The following COL4A1 variants were observed in gnomAD, a reference collection of about 807,000 sequenced individuals.
The protein encoded by COL4A1 is collagen alpha-1(IV) chain.
COL4A1 carries 40 observed loss-of-function variants against 216.6 expected under a neutral mutation model. That is an observed-to-expected ratio of 0.18 (90% CI 0.14 to 0.24). The LOEUF (loss-of-function observed/expected upper bound fraction) is 0.24. COL4A1 is among the 10% of genes least tolerant of loss of function. COL4A1 has a pLI of 1.00. For synonymous variants in COL4A1, 839 were observed against 810.7 expected (o/e 1.03, Z -0.59); for missense variants, 1,628 against 2,196.8 (o/e 0.74, Z 5.18).
intron 2 of COL4A1, among the ~76,000 whole-genome samples, chr13:110,217,169 C>T (rs536792593): frequency 1.1e-4 from 17 of 152,274 alleles, no homozygotes; most frequent in East Asian, 1.9e-4. Context: ...GCAGAGCAAA[C>T]GGACAGAATA....
At chr13:110,294,900 CATGA>C (rs1406676095) in intron 1 of COL4A1, among the ~76,000 whole-genome samples, 1 of 152,160 alleles carries the variant, frequency 6.6e-6, no homozygotes, top group African/African-American at 2.4e-5. Context: ...ATATTTCTTA[CATGA>C]ATGAATGAAT....
chr13:110,252,872 A>G (rs1389864765), intron 1 of COL4A1, among the ~76,000 whole-genome samples: 9 of 100,920 alleles, frequency 8.9e-5, no homozygotes, highest in African/African-American at 3.4e-4. Context: ...TTACATATAC[A>G]GATAACTATA....
At chr13:110,197,031 C>T (rs1228810379) in intron 21 of COL4A1, among the ~76,000 whole-genome samples, 1 of 152,058 alleles carries the variant, frequency 6.6e-6, no homozygotes, top group Non-Finnish European at 1.5e-5. Context: ...CTAACACATC[C>T]CATTCAATTA....
intron 26 of COL4A1, among the ~76,000 whole-genome samples, chr13:110,184,258 T>C (rs1461337654): frequency 6.6e-6 from 1 of 152,058 alleles, no homozygotes; most frequent in Non-Finnish European, 1.5e-5. Flanking sequence ...TCTGCTAGGG[T>C]ATATTTGTGA....
chr13:110,187,129 T>C lies in COL4A1; in HGVS notation c.1728+9A>G, dbSNP rs1442522685. 3.7e-6 allele frequency: 6 copies of C among 1,613,972 alleles called. No individual in the cohort carries two copies. The highest frequency in any genetic ancestry group is 3.4e-6 in the Non-Finnish European group (4 of 1,179,878). On this transcript the variant is annotated intron_variant, in intron 25 of 51. Coordinates refer to ENST00000375820, the MANE Select transcript of COL4A1 (RefSeq NM_001845.6). The stretch of plus-strand genomic sequence containing the variant: ...AAAATGCACATTCAAAGTCTGGAGA[T>C]AAACATACCGGCGAGCCCTTGGGGC...
chr13:110,288,641 C>T (rs1322161112), intron 1 of COL4A1, among the ~76,000 whole-genome samples: 1 of 152,198 alleles, frequency 6.6e-6, no homozygotes, highest in Non-Finnish European at 1.5e-5. Flanking sequence ...ACAATTTGAG[C>T]ATAACAGACT....
intron 1 of COL4A1, among the ~76,000 whole-genome samples, chr13:110,251,183 A>C (rs991679606): frequency 1.3e-5 from 2 of 152,224 alleles, no homozygotes; most frequent in Non-Finnish European, 2.9e-5. Flanking sequence ...AAGGGCAGGG[A>C]GTTCTCCCAG....
chr13:110,213,799 C>T lies in COL4A1; in HGVS notation c.262G>A (p.Gly88Arg). The change falls in exon 4 of 52, where the codon GGA (glycine) becomes AGA (arginine). Residue 88 changes from glycine to arginine, a missense_variant. Coordinates refer to ENST00000375820, the MANE Select transcript of COL4A1 (RefSeq NM_001845.6). The stretch of plus-strand genomic sequence containing the variant: ...GTACTCACTCTTGTCCCTTTTGTTC[C>T]AGGTAGTCCTGGTTCTCCAGTATCA... ...KGDTGEPGLP[G>R]TKGTRGPPGA... 1 of 1,614,154 alleles carries T rather than the reference C, an allele frequency of 6.2e-7. No homozygotes were observed. Among genetic ancestry groups the T allele is most frequent in the Non-Finnish European group, 8.5e-7 (1 of 1,180,014 alleles).
At chr13:110,303,073 C>T (rs1394252380) in intron 1 of COL4A1, among the ~76,000 whole-genome samples, 2 of 152,210 alleles carry the variant, frequency 1.3e-5, no homozygotes, top group Non-Finnish European at 2.9e-5. Flanking sequence ...TTCCATTTGT[C>T]TGCAAAATCT....
chr13:110,200,789 T>C (rs1191327071), intron 20 of COL4A1, 65 bp downstream of exon 20: 1 of 1,475,946 alleles, frequency 6.8e-7, no homozygotes, highest in African/African-American at 1.4e-5. Context: ...AAATTATATA[T>C]TCAGAATATA....
intron 1 of COL4A1, among the ~76,000 whole-genome samples, chr13:110,285,767 C>T (rs1566444249): frequency 6.6e-6 from 1 of 152,178 alleles, no homozygotes; most frequent in African/African-American, 2.4e-5. Context: ...GGACTTCAGG[C>T]CATACCATCG....
At chr13:110,210,696 G>A (rs575603542) in intron 8 of COL4A1, among the ~76,000 whole-genome samples, 1 of 152,330 alleles carries the variant, frequency 6.6e-6, no homozygotes, top group East Asian at 1.9e-4. Flanking sequence ...TTTCTGTGAA[G>A]GGATTTTTAA....
chr13:110,258,735 C>T (rs938866267), intron 1 of COL4A1, among the ~76,000 whole-genome samples: 1 of 152,038 alleles, frequency 6.6e-6, no homozygotes, highest in Non-Finnish European at 1.5e-5. Context: ...ACTTCAATTT[C>T]GGTTTAACTA....
chr13:110,212,852 G>T (rs1480734045), intron 4 of COL4A1, among the ~76,000 whole-genome samples: 1 of 152,194 alleles, frequency 6.6e-6, no homozygotes. Context: ...CCACTGCAAA[G>T]ATATGGAACC....
Position 110,170,649 on chromosome 13 carries a change from G to A in COL4A1, c.3640C>T (p.Pro1214Ser). ...CCCGGCTGTCCCTGGGGCCCCGGAG[G>A]ACCCATGAATCCTTGCTCTCCTTTG... ...GSKGEQGFMGPPGPQGQPGLP... is the reference protein window; with the variant it reads ...GSKGEQGFMGSPGPQGQPGLP... The change falls in exon 42 of 52, where the codon CCT becomes TCT. Residue 1214 changes from proline to serine, a missense_variant. Pro to Ser is a moderately conservative substitution (Grantham distance 74). Around this residue, in one of 8 missense-constraint regions of COL4A1, gnomAD observed 345 missense variants for 476.9 expected, o/e 0.72. Coordinates refer to ENST00000375820, the MANE Select transcript of COL4A1 (RefSeq NM_001845.6). The A allele has an allele frequency of 6.2e-7, 1 of 1,613,880 alleles. No individual in the cohort carries two copies. Among genetic ancestry groups the A allele is most frequent in the Non-Finnish European group, 8.5e-7 (1 of 1,179,898 alleles).
At chr13:110,276,414 G>A (rs552141282) in intron 1 of COL4A1, among the ~76,000 whole-genome samples, 1 of 152,178 alleles carries the variant, frequency 6.6e-6, no homozygotes, top group East Asian at 1.9e-4. Flanking sequence ...TAGGCCCCTG[G>A]GGAATGCGTC....
intron 1 of COL4A1, among the ~76,000 whole-genome samples, chr13:110,282,468 T>A (rs1337823867): frequency 1.3e-5 from 2 of 152,210 alleles, no homozygotes; most frequent in East Asian, 3.9e-4. Flanking sequence ...CATGGCTGCA[T>A]CCACGCAAGT....
At chr13:110,219,904 A>ATATATATGTGTGTATATATATG (rs1880375576) in intron 2 of COL4A1, among the ~76,000 whole-genome samples, 1 of 122,368 alleles carries the variant, frequency 8.2e-6, no homozygotes, top group Non-Finnish European at 1.7e-5. Context: ...ATATATATGT[A>ATATATATGTGTGTATATATATG]TATATATGTG....
At position 110,149,539 on chromosome 13, in the gene COL4A1, GT is replaced by G. The variant is rs1876405154; in HGVS notation, c.*823del. ...TGGTTTTGGCAACACATAATTTTTG[GT>G]TTAGAAGTGAACAATGAAAACGGAT... On this transcript the variant is annotated 3_prime_UTR_variant, in exon 52 of 52. Transcript: ENST00000375820. 6.6e-6 allele frequency: 1 copy of G among 152,522 alleles called. No homozygotes were observed. The highest frequency in any genetic ancestry group is 1.5e-5 in the Non-Finnish European group (1 of 68,020). 9.4% of individuals were successfully genotyped at this position (152,522 alleles called of 1,614,324 possible). A position where few individuals can be genotyped will look rare whatever the true frequency, so the allele number is the denominator to read the frequency against.
Sources: allele counts gnomAD v4.1 joint callset (sites outside exome capture counted in the v4.1 genomes callset), GRCh38; gene constraint gnomAD v4.1.1; regional missense constraint gnomAD v4.1.1; transcripts MANE v1.5; gene names NCBI Gene and HGNC (gene_info 2026-07-23, HGNC 2026-07-21).